The following ABCA12 variants were observed in gnomAD, a reference collection of about 807,000 sequenced individuals.
ABCA12 encodes glucosylceramide transporter ABCA12.
A neutral mutation model predicts 293.5 loss-of-function variants in ABCA12; 156 were observed. The ratio of observed to expected loss-of-function variants is 0.53; its 90% CI spans 0.47 to 0.61. The LOEUF is 0.61. Among genes scored for constraint, ABCA12 ranks in the 20% least tolerant of loss-of-function variants. ABCA12 has a pLI of 0.00. For synonymous variants in ABCA12, 1,063 were observed against 1,108.0 expected (o/e 0.96, Z 0.81); for missense variants, 2,797 against 3,090.2 (o/e 0.91, Z 2.25).
At chr2:215,107,604 C>A (rs1350651474) in intron 2 of ABCA12, among the ~76,000 whole-genome samples, 7 of 152,160 alleles carry the variant, frequency 4.6e-5, no homozygotes, top group African/African-American at 1.7e-4. Flanking sequence ...TGGACCAGCA[C>A]CAATGGTGTC....
chr2:215,007,766 A>C lies in ABCA12; in HGVS notation c.2553T>G (p.Asn851Lys), dbSNP rs752694126. The change falls in exon 19 of 53, where the codon AAT (asparagine) becomes AAG (lysine). Residue 851 changes from asparagine (N) to lysine (K), a missense_variant. Physicochemically the swap from Asn to Lys is moderately conservative, Grantham distance 94. Coordinates refer to ENST00000272895, the MANE Select transcript of ABCA12 (RefSeq NM_173076.3). ...TTGCCTGGTTTAACAGATGGAAGGA[A>C]TTCATGAAAAGTGGCGACTTATCCA... ...EWMDKSPLFM[N>K]SFHLLNQAIP... The C allele has an allele frequency of 6.2e-7, 1 of 1,614,062 alleles. No individual in the cohort carries two copies. Among genetic ancestry groups the C allele is most frequent in the South Asian group, 1.1e-5 (1 of 91,084 alleles).
chr2:215,017,730 A>T (rs1700537150), intron 14 of ABCA12: 7 of 368,142 alleles, frequency 1.9e-5, no homozygotes, highest in Non-Finnish European at 2.5e-5. Flanking sequence ...AAGCTCATTG[A>T]TTGAGGAAGC....
rs143354105 is a variant in ABCA12, at chr2:214,989,370, A to C, written c.3788T>G (p.Ile1263Ser). The C allele has an allele frequency of 1.1e-4, 172 of 1,613,458 alleles. No homozygotes were observed. In the African/African-American group the frequency reaches 2.0e-3, roughly 19 times the overall value. ...GACATACCAAGCAATAAGGAAATAA[A>C]TGAAAGAGTCAGCTAGGATTAGACA... is the stretch of plus-strand genomic sequence containing the variant. ...LCCLILADSF[I>S]YFLIAWYVRN... The change falls in exon 26 of 53, where the codon ATT (isoleucine) becomes AGT (serine). Residue 1263 changes from isoleucine (I) to serine (S), a missense_variant. Ile to Ser is a moderately radical substitution (Grantham distance 142). Around this residue, in one of 3 missense-constraint regions of ABCA12, gnomAD observed 2,130 missense variants for 2,427.0 expected, o/e 0.88. Transcript: ENST00000272895.
At chr2:214,984,135 C>T (rs569170205) in intron 28 of ABCA12, among the ~76,000 whole-genome samples, 29 of 123,438 alleles carry the variant, frequency 2.3e-4, no homozygotes, top group African/African-American at 8.9e-4. Flanking sequence ...CTCACTCTGT[C>T]GCCCAGGCTG....
Position 215,138,389 on chromosome 2 carries a change from G to T in ABCA12, c.-181C>A. 1.5e-6 allele frequency: 1 copy of T among 674,236 alleles called. No homozygotes were observed. The highest frequency in any genetic ancestry group is 2.6e-6 in the Non-Finnish European group (1 of 378,626). 41.8% of individuals were successfully genotyped at this position (674,236 alleles called of 1,614,324 possible). Reference sequence around the variant, plus strand: ...TGTTTCTGCTGGATTTTTCCCTGTGGTTAATCCTTAACCAAGAGGCACTTC... The same window carrying T: ...TGTTTCTGCTGGATTTTTCCCTGTGTTTAATCCTTAACCAAGAGGCACTTC... On this transcript the variant is annotated 5_prime_UTR_variant, in exon 1 of 53. Transcript: ENST00000272895.
intron 2 of ABCA12, among the ~76,000 whole-genome samples, chr2:215,086,018 A>G (rs1490289442): frequency 6.6e-6 from 1 of 152,200 alleles, no homozygotes; most frequent in Non-Finnish European, 1.5e-5. Context: ...AAATAATGGG[A>G]AGTATTTTAA....
intron 1 of ABCA12, among the ~76,000 whole-genome samples, chr2:215,131,385 T>A (rs1306277055): frequency 6.6e-6 from 1 of 151,536 alleles, no homozygotes; most frequent in Admixed American, 6.6e-5. Flanking sequence ...TATCGGGAGA[T>A]TTTTTTTATT....
chr2:215,041,704 G>C (rs544984153), intron 7 of ABCA12, among the ~76,000 whole-genome samples: 55 of 152,280 alleles, frequency 3.6e-4, no homozygotes, highest in Non-Finnish European at 4.7e-4. Context: ...TGAAGAGATA[G>C]TAGTATTGCT....
chr2:214,937,632 C>A lies in ABCA12; in HGVS notation c.7437-17G>T, dbSNP rs1267507976. 6.3e-7 allele frequency: 1 copy of A among 1,590,530 alleles called. No homozygotes were observed. Among genetic ancestry groups the A allele is most frequent in the African/African-American group, 1.3e-5 (1 of 74,436 alleles). On this transcript the variant is annotated splice_polypyrimidine_tract_variant and intron_variant, in intron 50 of 52. Transcript: ENST00000272895. ...CGTCCAAACCTAGAAAGAAAAAGTGCAAAATATGATATGAATTACATTTTG... is the reference window on the plus strand; with the variant it reads ...CGTCCAAACCTAGAAAGAAAAAGTGAAAAATATGATATGAATTACATTTTG...
chr2:214,980,339 T>G, intron 31 of ABCA12, 144 bp downstream of exon 31: 1 of 1,211,306 alleles, frequency 8.3e-7, no homozygotes, highest in Non-Finnish European at 1.2e-6. Flanking sequence ...CTCCAGGATT[T>G]CGATGCTCAC....
In ABCA12 at chr2:215,019,656, C is replaced by T. The variant is rs76834896; in HGVS notation, c.1428G>A (p.Ala476=). Residue 476 remains alanine (A), a synonymous_variant, in exon 12 of 53, where the codon GCG becomes GCA. Transcript: ENST00000272895. ...ESEFDLQLLE[A]AELGTEIAAS... The stretch of plus-strand genomic sequence containing the variant: ...CTGCTATTTCGGTGCCCAGCTCTGC[C>T]GCTTCGAGGAGTTGCAGATCAAACT... The T allele has an allele frequency of 2.0e-3, 3,172 of 1,614,106 alleles. 47 individuals carry two copies. In the African/African-American group the frequency reaches 0.036, roughly 18 times the overall value.
intron 3 of ABCA12, among the ~76,000 whole-genome samples, chr2:215,062,573 C>T (rs1349611153): frequency 6.6e-6 from 1 of 152,050 alleles, no homozygotes; most frequent in Non-Finnish European, 1.5e-5. Context: ...TCCTTTTCTA[C>T]GTATCCCAAT....
At chr2:215,031,433 T>C (rs937249592) in intron 9 of ABCA12, among the ~76,000 whole-genome samples, 1 of 152,142 alleles carries the variant, frequency 6.6e-6, no homozygotes, top group Non-Finnish European at 1.5e-5. Flanking sequence ...GCTGGTCAGA[T>C]TATGGTATTT....
intron 2 of ABCA12, among the ~76,000 whole-genome samples, chr2:215,105,897 G>T (rs752685732): frequency 4.0e-4 from 61 of 152,102 alleles, no homozygotes; most frequent in Middle Eastern, 3.2e-3. Flanking sequence ...AAAGACAAAT[G>T]ATGATGAATT....
chr2:214,968,922 G>C (rs1699326825), intron 37 of ABCA12, 115 bp from the exon 38 acceptor site: 1 of 798,876 alleles, frequency 1.3e-6, no homozygotes, highest in African/African-American at 1.7e-5. Flanking sequence ...CACATTTACA[G>C]TATAAAATGA....
Position 214,958,335 on chromosome 2 carries a change from T to C in ABCA12, c.6059A>G (p.Gln2020Arg). 4 of 1,614,082 alleles carry C rather than the reference T, an allele frequency of 2.5e-6. No individual in the cohort carries two copies. Among genetic ancestry groups the C allele is most frequent in the Non-Finnish European group, 3.4e-6 (4 of 1,179,910 alleles). ...TGTCACGCCAATGCCTGAAATGTGC[T>C]GCAACTGTTTGGCTTTGGTTTGATG... ...REHQTKAKQL[Q>R]HISGIGVTCY... The change falls in exon 41 of 53, where the codon CAG becomes CGG. Residue 2020 changes from glutamine to arginine, a missense_variant. Gln to Arg is a conservative substitution (Grantham distance 43). Around this residue, in one of 3 missense-constraint regions of ABCA12, gnomAD observed 2,130 missense variants for 2,427.0 expected, o/e 0.88. Coordinates refer to ENST00000272895, the MANE Select transcript of ABCA12 (RefSeq NM_173076.3).
chr2:215,044,995 T>C (rs1221761520), intron 7 of ABCA12, among the ~76,000 whole-genome samples: 1 of 152,178 alleles, frequency 6.6e-6, no homozygotes, highest in Admixed American at 6.5e-5. Context: ...AGATGCAGGA[T>C]CTGCAAATAC....
chr2:214,935,677 T>TGG (rs1453830107), intron 51 of ABCA12, among the ~76,000 whole-genome samples: 3 of 152,068 alleles, frequency 2.0e-5, no homozygotes, highest in Non-Finnish European at 2.9e-5. Context: ...CATGCCTATA[T>TGG]GCTTGGCTAC....
At chr2:215,073,037 G>C (rs978464228) in intron 2 of ABCA12, among the ~76,000 whole-genome samples, 7 of 152,198 alleles carry the variant, frequency 4.6e-5, no homozygotes, top group Non-Finnish European at 8.8e-5. Flanking sequence ...GGAGGTTGCA[G>C]TGAGCCAAGA....
Sources: gnomAD v4.1 joint callset for allele counts (sites outside exome capture counted in the v4.1 genomes callset) on GRCh38, gnomAD v4.1.1 for gene constraint, gnomAD v4.1.1 regional missense constraint, MANE v1.5 for transcripts, NCBI Gene and HGNC (gene_info 2026-07-23, HGNC 2026-07-21) for gene names.